The following THSD4 variants were observed in gnomAD, a reference collection of about 807,000 sequenced individuals.
THSD4 encodes the protein thrombospondin type 1 domain containing 4.
Under a neutral mutation model 119.0 loss-of-function variants are expected in THSD4, and 69 were observed. That is an observed-to-expected ratio of 0.58 (90% CI 0.48 to 0.71). The LOEUF (loss-of-function observed/expected upper bound fraction) is 0.71, where lower values mean the gene tolerates loss of function less well. Among genes scored for constraint, THSD4 ranks in the 30% least tolerant of loss-of-function variants. The pLI is 0.00. For missense variants in THSD4, 1,393 were observed against 1,391.1 expected (o/e 1.00, Z -0.02); for synonymous variants, 524 against 540.4 (o/e 0.97, Z 0.42).
intron 4 of THSD4, among the ~76,000 whole-genome samples, chr15:71,234,806 A>G (rs2044090355): frequency 6.6e-6 from 1 of 152,098 alleles, no homozygotes; most frequent in South Asian, 2.1e-4. Flanking sequence ...TATCATCCTC[A>G]GTCTCACTCT....
chr15:71,644,842 C>T (rs1019645427), intron 7 of THSD4, among the ~76,000 whole-genome samples: 1 of 152,158 alleles, frequency 6.6e-6, no homozygotes, highest in African/African-American at 2.4e-5. Flanking sequence ...ACAACTTCCT[C>T]TAGCAGTCCA....
At chr15:71,105,314 A>C (rs1405556172) in intron 1 of THSD4, among the ~76,000 whole-genome samples, 1 of 152,210 alleles carries the variant, frequency 6.6e-6, no homozygotes, top group Non-Finnish European at 1.5e-5. Flanking sequence ...TTTATTATAA[A>C]GGATACAGAT....
intron 6 of THSD4, among the ~76,000 whole-genome samples, chr15:71,349,636 C>G (rs1275853167): frequency 6.6e-6 from 1 of 152,222 alleles, no homozygotes; most frequent in African/African-American, 2.4e-5. Context: ...GGATGGCACT[C>G]TCACAGGTTA....
intron 6 of THSD4, among the ~76,000 whole-genome samples, chr15:71,362,585 G>T (rs1248098944): frequency 1.3e-5 from 2 of 152,170 alleles, no homozygotes; most frequent in Non-Finnish European, 2.9e-5. Flanking sequence ...AAATGTTAAA[G>T]TGAGTTAAGG....
Position 71,368,864 on chromosome 15 carries a change from A to G in THSD4, c.1016-42823A>G, listed in dbSNP as rs145258351. Among the ~76,000 whole-genome samples, 359 of 152,252 alleles carry G rather than the reference A, an allele frequency of 2.4e-3. 4 individuals are homozygous for G. The highest frequency in any genetic ancestry group is 8.1e-3 in the African/African-American group (338 of 41,538). On this transcript the variant is annotated intron_variant, in intron 6 of 17. Coordinates refer to ENST00000261862, the MANE Select transcript of THSD4 (RefSeq NM_024817.3). ...GATGGGGATGGCACTGAGTCTATAA[A>G]TTACCTTGGGCAGTATGGCCATTTT...
chr15:71,131,437 C>T lies in THSD4; in HGVS notation c.-79-10012C>T, dbSNP rs1423141729. On this transcript the variant is annotated intron_variant, in intron 1 of 17. Transcript: ENST00000261862. ...AACATGGCCGGGCACGGGTGGCTCG[C>T]GGAGCGAGTCTCACAGAGCGAGACT... Among the ~76,000 whole-genome samples, 11 of 149,676 alleles carry T rather than the reference C, an allele frequency of 7.3e-5. No homozygotes were observed. The East Asian group carries it at 7.9e-4, about 11-fold the overall frequency.
Position 71,569,103 on chromosome 15 carries a change from C to T in THSD4, c.1153-91427C>T, listed in dbSNP as rs188012873. On this transcript the variant is annotated intron_variant, in intron 7 of 17. Transcript: ENST00000261862. Reference sequence around the variant, plus strand: ...AAAATAGATGTTTTGCTAGAAGCATCCAGGGTAAAATGTGGCCTGCCACTC... The same window carrying T: ...AAAATAGATGTTTTGCTAGAAGCATTCAGGGTAAAATGTGGCCTGCCACTC... 1.5e-3 allele frequency among the ~76,000 whole-genome samples: 226 copies of T among 152,344 alleles called. 2 individuals carry two copies. The highest frequency in any genetic ancestry group is 5.3e-3 in the African/African-American group (222 of 41,586).
At position 71,209,371 on chromosome 15, in the gene THSD4, A is replaced by C. The variant is rs115997855; in HGVS notation, c.100-5664A>C. Among the ~76,000 whole-genome samples the C allele has an allele frequency of 4.5e-3, 691 of 152,340 alleles. 1 individual carries two copies. The highest frequency in any genetic ancestry group is 0.016 in the African/African-American group (674 of 41,578). On this transcript the variant is annotated intron_variant, in intron 3 of 17. Transcript: ENST00000261862. Reference sequence around the variant, plus strand: ...ACGGACACTCTGAACCTCAGTGACTACATCTGCAAAATGGAAATATACATC... The same window carrying C: ...ACGGACACTCTGAACCTCAGTGACTCCATCTGCAAAATGGAAATATACATC...
At chr15:71,160,933 G>C (rs1596232371) in intron 3 of THSD4, among the ~76,000 whole-genome samples, 3 of 151,994 alleles carry the variant, frequency 2.0e-5, no homozygotes, top group African/African-American at 7.2e-5. Context: ...AGGTAATGGA[G>C]AAAAGCACCA....
intron 7 of THSD4, among the ~76,000 whole-genome samples, chr15:71,605,875 T>C (rs1195130953): frequency 6.6e-6 from 1 of 152,150 alleles, no homozygotes; most frequent in South Asian, 2.1e-4. Context: ...GATGCTCCGA[T>C]GCTTGAAGTC....
intron 7 of THSD4, among the ~76,000 whole-genome samples, chr15:71,522,500 C>T (rs2048457250): frequency 6.6e-6 from 1 of 152,136 alleles, no homozygotes; most frequent in African/African-American, 2.4e-5. Context: ...GAGAAACATG[C>T]AACTGCTGAT....
chr15:71,717,332 T>A (rs2052628993), intron 8 of THSD4, among the ~76,000 whole-genome samples: 1 of 152,182 alleles, frequency 6.6e-6, no homozygotes, highest in East Asian at 1.9e-4. Flanking sequence ...TAGATGGACA[T>A]TTCAGCAACA....
intron 7 of THSD4, among the ~76,000 whole-genome samples, chr15:71,522,453 G>T (rs772090168): frequency 6.6e-6 from 1 of 152,146 alleles, no homozygotes; most frequent in Non-Finnish European, 1.5e-5. Flanking sequence ...GAAGGTATGG[G>T]GTTAGGAGTG....
At position 71,256,496 on chromosome 15, in the gene THSD4, ATAAAG is replaced by A. The variant is rs1408211176; in HGVS notation, c.913-116_913-112del. 4.6e-6 allele frequency: 3 copies of A among 654,228 alleles called. No homozygotes were observed. The African/African-American group carries it at 5.8e-5, about 13-fold the overall frequency. The allele number at this position is 654,228 out of a possible 1,614,324, so 40.5% of individuals were successfully genotyped here. ...ATCTCAAAAAAAAAAAAATAAATAA[ATAAAG>A]AATAAAAATAAAAAATAAATAAAGT... On this transcript the variant is annotated intron_variant, in intron 5 of 17. Coordinates refer to ENST00000261862, the MANE Select transcript of THSD4 (RefSeq NM_024817.3).
chr15:71,645,174 C>G (rs1292559738), intron 7 of THSD4, among the ~76,000 whole-genome samples: 1 of 152,124 alleles, frequency 6.6e-6, no homozygotes, highest in Admixed American at 6.5e-5. Context: ...GAAAGATGGT[C>G]TTGGGGTGTA....
At chr15:71,563,515 A>G (rs1193769085) in intron 7 of THSD4, among the ~76,000 whole-genome samples, 1 of 152,240 alleles carries the variant, frequency 6.6e-6, no homozygotes, top group African/African-American at 2.4e-5. Context: ...ATAGAATTCT[A>G]AGCCAAAGCT....
At chr15:71,386,638 A>G (rs756579611) in intron 6 of THSD4, among the ~76,000 whole-genome samples, 2 of 152,224 alleles carry the variant, frequency 1.3e-5, no homozygotes, top group African/African-American at 4.8e-5. Flanking sequence ...GCAGATGGAG[A>G]TGTTACCACG....
chr15:71,165,572 T>C (rs2043287535), intron 3 of THSD4, among the ~76,000 whole-genome samples: 1 of 152,180 alleles, frequency 6.6e-6, no homozygotes, highest in Non-Finnish European at 1.5e-5. Context: ...CTTTTTCCTG[T>C]AAATGGATCC....
intron 7 of THSD4, among the ~76,000 whole-genome samples, chr15:71,630,133 T>C (rs979418652): frequency 6.6e-6 from 1 of 152,176 alleles, no homozygotes; most frequent in African/African-American, 2.4e-5. Context: ...CACTCTAAAG[T>C]CCCCCAGTAA....
Sources: gnomAD v4.1 joint callset for allele counts (sites outside exome capture counted in the v4.1 genomes callset) on GRCh38, gnomAD v4.1.1 for gene constraint, MANE v1.5 for transcripts, NCBI Gene and HGNC (gene_info 2026-07-23, HGNC 2026-07-21) for gene names.